Variants in MYL1 observed in about 807,000 individuals in gnomAD.
MYL1 encodes the protein myosin light chain 1, also known as myosin light chain 1/3, skeletal muscle isoform.
MYL1 carries 16 observed loss-of-function variants against 21.8 expected under a neutral mutation model. The observed-to-expected ratio is 0.74, with a 90% CI of 0.50 to 1.12. The LOEUF (loss-of-function observed/expected upper bound fraction) is 1.12. Ranked by LOEUF, MYL1 falls within the 50% of genes most tolerant of loss-of-function variation. MYL1 has a pLI of 0.00. For synonymous variants in MYL1, 99 were observed against 85.2 expected (o/e 1.16, Z -0.89); for missense variants, 246 against 241.0 (o/e 1.02, Z -0.14).
chr2:210,293,749 T>C lies in MYL1; in HGVS notation c.530A>G (p.Asp177Gly), dbSNP rs748358398. The change falls in exon 5 of 7, where the codon GAC (aspartate) becomes GGC (glycine). Residue 177 changes from aspartate to glycine, a missense_variant. Coordinates refer to ENST00000352451, the MANE Select transcript of MYL1 (RefSeq NM_079420.3). ...TTCGTAGTTGATGCAGCCATTGGAG[T>C]CTTCTTGACCTGCCATCAGGGCTTC... ...EVEALMAGQE[D>G]SNGCINYEAF... The C allele has an allele frequency of 1.9e-6, 3 of 1,613,852 alleles. No homozygotes were observed. The highest frequency in any genetic ancestry group is 2.5e-6 in the Non-Finnish European group (3 of 1,179,918).
intron 1 of MYL1, among the ~76,000 whole-genome samples, chr2:210,305,444 A>T (rs1184924445): frequency 6.6e-6 from 1 of 152,134 alleles, no homozygotes; most frequent in Non-Finnish European, 1.5e-5. Context: ...ATATTACAAG[A>T]TTTGGAATCT....
At chr2:210,302,950 T>C in intron 1 of MYL1, 1 of 645,646 alleles carries the variant, frequency 1.5e-6, no homozygotes, top group Middle Eastern at 4.2e-4. Context: ...TCTAGGAACA[T>C]AAAAAGCTAT....
At chr2:210,304,306 G>C (rs1690306842) in intron 1 of MYL1, among the ~76,000 whole-genome samples, 1 of 151,932 alleles carries the variant, frequency 6.6e-6, no homozygotes, top group South Asian at 2.1e-4. Flanking sequence ...CTTTATAATG[G>C]CTGAGTAGTC....
At chr2:210,304,337 T>G (rs1260698324) in intron 1 of MYL1, among the ~76,000 whole-genome samples, 2 of 152,120 alleles carry the variant, frequency 1.3e-5, no homozygotes, top group South Asian at 4.1e-4. Flanking sequence ...TTTTCAGAAG[T>G]TTTTCTAGGC....
chr2:210,313,081 A>AAAAG (rs1690440864), intron 1 of MYL1, among the ~76,000 whole-genome samples: 1 of 151,964 alleles, frequency 6.6e-6, no homozygotes, highest in Admixed American at 6.5e-5. Context: ...TCTGGATTAG[A>AAAAG]AAAGAGATGT....
At chr2:210,303,244 G>C (rs73984380) in intron 1 of MYL1, among the ~76,000 whole-genome samples, 142 of 152,262 alleles carry the variant, frequency 9.3e-4, no homozygotes, top group African/African-American at 3.3e-3. Context: ...ATATTTTGCT[G>C]TAGCTACAGG....
Position 210,293,777 on chromosome 2 carries a change from C to T in MYL1, c.502G>A (p.Val168Met), listed in dbSNP as rs934913678. 5 of 1,613,952 alleles carry T rather than the reference C, an allele frequency of 3.1e-6. No homozygotes were observed. The highest frequency in any genetic ancestry group is 1.7e-5 in the Admixed American group (1 of 60,000). The change falls in exon 5 of 7, where the codon GTG (valine) becomes ATG (methionine). Residue 168 changes from valine to methionine, a missense_variant. By Grantham distance (21) the Val-to-Met change is conservative. Coordinates refer to ENST00000352451, the MANE Select transcript of MYL1 (RefSeq NM_079420.3). ...TCTTGACCTGCCATCAGGGCTTCCA[C>T]TTCTTCCTCTTTCATCTTTTCACCT... Reference protein sequence around the residue: ...TLGEKMKEEEVEALMAGQEDS... With the variant: ...TLGEKMKEEEMEALMAGQEDS...
intron 1 of MYL1, among the ~76,000 whole-genome samples, chr2:210,312,427 A>T (rs993393706): frequency 4.0e-5 from 6 of 151,870 alleles, no homozygotes; most frequent in African/African-American, 1.4e-4. Context: ...AGCTTTTATG[A>T]GGTAATATAT....
At chr2:210,294,215 C>T (rs1195582505) in intron 4 of MYL1, 30 bp downstream of exon 4, 5 of 1,581,948 alleles carry the variant, frequency 3.2e-6, no homozygotes, top group Admixed American at 1.8e-5. Context: ...TATTCTGTCT[C>T]ACTAAGTCCA....
intron 1 of MYL1, among the ~76,000 whole-genome samples, chr2:210,303,163 A>G (rs1360859930): frequency 6.6e-6 from 1 of 152,204 alleles, no homozygotes; most frequent in Non-Finnish European, 1.5e-5. Flanking sequence ...ATAGTACACA[A>G]AACCCAATGC....
At chr2:210,308,791 G>A (rs1293800877) in intron 1 of MYL1, among the ~76,000 whole-genome samples, 2 of 151,940 alleles carry the variant, frequency 1.3e-5, no homozygotes, top group Non-Finnish European at 2.9e-5. Flanking sequence ...AAAGTTTCTT[G>A]AGAGCTGGCC....
At chr2:210,299,666 A>T (rs1328426168) in intron 2 of MYL1, among the ~76,000 whole-genome samples, 1 of 152,182 alleles carries the variant, frequency 6.6e-6, no homozygotes, top group Admixed American at 6.6e-5. Context: ...TTAGAAATGT[A>T]TATCAAAGAC....
intron 3 of MYL1, among the ~76,000 whole-genome samples, 195 bp downstream of exon 3, chr2:210,298,225 G>T (rs1301552151): frequency 6.6e-6 from 1 of 151,624 alleles, no homozygotes; most frequent in African/African-American, 2.4e-5. Context: ...GACTTTCTAT[G>T]GCCAAGAGGC....
rs570955358 is a variant in MYL1, at chr2:210,314,984, G to A, written c.59C>T (p.Pro20Leu). The change falls in exon 1 of 7, where the codon CCG (proline) becomes CTG (leucine). Residue 20 changes from proline to leucine, a missense_variant. By Grantham distance (98) the Pro-to-Leu change is moderately conservative. Coordinates refer to ENST00000352451, the MANE Select transcript of MYL1 (RefSeq NM_079420.3). ...AGGGGCAGGTGCAGGTGCCGGTGCCGGGGCTGGGGCAGCCGCAGCCGCAGC... is the reference window on the plus strand; with the variant it reads ...AGGGGCAGGTGCAGGTGCCGGTGCCAGGGCTGGGGCAGCCGCAGCCGCAGC... ...PVAAAAAAPA[P>L]APAPAPAPAP... The A allele has an allele frequency of 5.0e-6, 8 of 1,610,218 alleles. No homozygotes were observed. Among genetic ancestry groups the A allele is most frequent in the East Asian group, 2.2e-5 (1 of 44,800 alleles).
intron 5 of MYL1, among the ~76,000 whole-genome samples, chr2:210,292,209 C>T (rs1372278661): frequency 6.6e-6 from 1 of 152,138 alleles, no homozygotes; most frequent in Non-Finnish European, 1.5e-5. Flanking sequence ...GCTGGGACTA[C>T]AGGCTACTGT....
intron 3 of MYL1, among the ~76,000 whole-genome samples, chr2:210,295,628 A>G (rs762922469): frequency 5.3e-5 from 8 of 151,974 alleles, no homozygotes; most frequent in Non-Finnish European, 1.0e-4. Context: ...CCTGGAGGAC[A>G]GTGTGAGACC....
Position 210,304,396 on chromosome 2 carries a change from AT to A in MYL1, c.133-1882del, listed in dbSNP as rs147491449. Among the ~76,000 whole-genome samples the A allele has an allele frequency of 1.8e-4, 28 of 151,602 alleles. 1 individual carries two copies. Among genetic ancestry groups the A allele is most frequent in the Middle Eastern group, 3.4e-3 (1 of 294 alleles). On this transcript the variant is annotated intron_variant, in intron 1 of 6. Transcript: ENST00000352451. ...ACATTCTTTTACTCTCATCCTATAC[AT>A]TTTTTTTAACTACACATAAGTTCTT...
chr2:210,314,975 G>T lies in MYL1; in HGVS notation c.68C>A (p.Ala23Glu). ...GGCTGGGGCAGGGGCAGGTGCAGGT[G>T]CCGGTGCCGGGGCTGGGGCAGCCGC... ...AAAAAPAPAP[A>E]PAPAPAPAKP... The change falls in exon 1 of 7, where the codon GCA (alanine) becomes GAA (glutamate). Residue 23 changes from alanine to glutamate, a missense_variant. By Grantham distance (107) the Ala-to-Glu change is moderately radical. Coordinates refer to ENST00000352451, the MANE Select transcript of MYL1 (RefSeq NM_079420.3). 6.2e-7 allele frequency: 1 copy of T among 1,612,818 alleles called. No homozygotes were observed. Among genetic ancestry groups the T allele is most frequent in the Non-Finnish European group, 8.5e-7 (1 of 1,179,414 alleles).
chr2:210,291,314 C>A (rs1354693338), intron 5 of MYL1, among the ~76,000 whole-genome samples: 1 of 152,042 alleles, frequency 6.6e-6, no homozygotes, highest in Non-Finnish European at 1.5e-5. Context: ...TTATTTTTAA[C>A]ATAGGGTCTC....
Sources: allele counts gnomAD v4.1 joint callset (sites outside exome capture counted in the v4.1 genomes callset), GRCh38; gene constraint gnomAD v4.1.1; transcripts MANE v1.5; gene names NCBI Gene and HGNC (gene_info 2026-07-23, HGNC 2026-07-21).